The following SPSB1 variants were observed in gnomAD, a reference collection of about 807,000 sequenced individuals.
The protein encoded by SPSB1 is SPRY domain-containing SOCS box protein 1.
In SPSB1, 8 loss-of-function variants were observed where a neutral mutation model predicts 21.2. The observed-to-expected ratio is 0.38, with a 90% CI of 0.22 to 0.68. SPSB1 has a LOEUF of 0.68. Ranked by LOEUF, SPSB1 falls within the 30% of genes least tolerant of loss-of-function variation. The pLI is 0.53. For missense variants in SPSB1, 242 were observed against 377.8 expected, an observed-to-expected ratio of 0.64 and a Z score of 2.98; for synonymous variants, 169 against 161.7, an observed-to-expected ratio of 1.05 and a Z score of -0.34.
Position 9,363,633 on chromosome 1 carries a change from G to A in SPSB1, c.695-3815G>A, listed in dbSNP as rs567193374. Among the ~76,000 whole-genome samples, 6 of 152,284 alleles carry A rather than the reference G, an allele frequency of 3.9e-5. No individual in the cohort carries two copies. The highest frequency in any genetic ancestry group is 7.4e-5 in the Non-Finnish European group (5 of 68,022). ...AGGCCATGGCTGGGGCTGGGGCTGC[G>A]GTGTCAGCCACTCAAAATAAGGCAC... is the stretch of plus-strand genomic sequence containing the variant. On this transcript the variant is annotated intron_variant, in intron 2 of 2. Coordinates refer to ENST00000328089, the MANE Select transcript of SPSB1 (RefSeq NM_025106.4). This position sits in a 1 kb window ranked among gnomAD's most constrained non-coding sequence, Gnocchi z 4.5.
At chr1:9,339,087 G>A (rs942144601) in intron 1 of SPSB1, among the ~76,000 whole-genome samples, 5 of 152,134 alleles carry the variant, frequency 3.3e-5, no homozygotes, top group East Asian at 3.9e-4. Flanking sequence ...AGCTTGCTCC[G>A]GCCAGGGCTG....
chr1:9,325,265 A>T (rs1307313468), intron 1 of SPSB1, among the ~76,000 whole-genome samples: 1 of 141,468 alleles, frequency 7.1e-6, no homozygotes, highest in African/African-American at 2.8e-5. Context: ...GCAGATGGAG[A>T]GCTGTCCCCA....
chr1:9,343,309 C>G (rs1415574179), intron 1 of SPSB1, among the ~76,000 whole-genome samples: 1 of 152,198 alleles, frequency 6.6e-6, no homozygotes, highest in Non-Finnish European at 1.5e-5. Context: ...CTTTCTGTTT[C>G]TATGGATTTG....
At chr1:9,343,463 T>C (rs1640121216) in intron 1 of SPSB1, among the ~76,000 whole-genome samples, 1 of 152,264 alleles carries the variant, frequency 6.6e-6, no homozygotes, top group Non-Finnish European at 1.5e-5. Flanking sequence ...GGCTGAATAA[T>C]ATTCCACTGA....
In SPSB1 at chr1:9,323,757, A is replaced by G. The variant is rs376784592; in HGVS notation, c.-150+30686A>G. On this transcript the variant is annotated intron_variant, in intron 1 of 2. Transcript: ENST00000328089. ...CAAGGTGGCTGGTCCTACAGGCCTC[A>G]GTGAGACAGTGCTATGTCATTTTGC... 2.4e-4 allele frequency among the ~76,000 whole-genome samples: 36 copies of G among 152,216 alleles called. No individual in the cohort carries two copies. In the East Asian group the frequency reaches 3.9e-3, roughly 16 times the overall value.
chr1:9,345,993 G>A lies in SPSB1; in HGVS notation c.-149-9750G>A, dbSNP rs1232769720. 6.6e-6 allele frequency among the ~76,000 whole-genome samples: 1 copy of A among 152,214 alleles called. No homozygotes were observed. The highest frequency in any genetic ancestry group is 2.4e-5 in the African/African-American group (1 of 41,460). On this transcript the variant is annotated intron_variant, in intron 1 of 2. Transcript: ENST00000328089. This position sits in a 1 kb window ranked among gnomAD's most constrained non-coding sequence, Gnocchi z 4.8. ...CCATGGCCCAGCCAGCACGGAGCAT[G>A]CCCCGAGCCCTTCCACCACCAAGAG...
chr1:9,356,116 T>A lies in SPSB1; in HGVS notation c.225T>A (p.Phe75Leu), dbSNP rs755047859. Residue 75 changes from phenylalanine (F) to leucine (L), a missense_variant, in exon 2 of 3, where the codon TTT becomes TTA. Physicochemically the swap from Phe to Leu is conservative, Grantham distance 22. Coordinates refer to ENST00000328089, the MANE Select transcript of SPSB1 (RefSeq NM_025106.4). The surrounding 1 kb of genome is among the most constrained non-coding windows in gnomAD (Gnocchi z 7.4). ...TGAAGGAGGACGACAAGCTCATCTT[T>A]CACCGGCATCCGGTGGCCCAGAGCA... ...VFVKEDDKLI[F>L]HRHPVAQSTD... The A allele has an allele frequency of 2.5e-6, 4 of 1,603,494 alleles. No homozygotes were observed. In the South Asian group the frequency reaches 4.4e-5, roughly 18 times the overall value.
In SPSB1 at chr1:9,303,042, T is replaced by C. The variant is rs550396316; in HGVS notation, c.-150+9971T>C. 1.3e-5 allele frequency among the ~76,000 whole-genome samples: 2 copies of C among 152,232 alleles called. 1 individual carries two copies. The highest frequency in any genetic ancestry group is 4.1e-4 in the South Asian group (2 of 4,826). The stretch of plus-strand genomic sequence containing the variant: ...GGGGTAAGGCTGCCACCTGGCTTCT[T>C]TGGGCTCCCTGTGCCTCTGGGTCAG... On this transcript the variant is annotated intron_variant, in intron 1 of 2. Transcript: ENST00000328089.
chr1:9,310,327 G>A (rs190397619), intron 1 of SPSB1, among the ~76,000 whole-genome samples: 1 of 152,322 alleles, frequency 6.6e-6, no homozygotes, highest in Non-Finnish European at 1.5e-5. Flanking sequence ...TCTGTGAGGG[G>A]AAAGGCATCT....
chr1:9,308,974 C>A (rs1639467824), intron 1 of SPSB1, among the ~76,000 whole-genome samples: 1 of 152,072 alleles, frequency 6.6e-6, no homozygotes, highest in African/African-American at 2.4e-5. Flanking sequence ...CTGCCAGGGG[C>A]TGGGCGGGCA....
At chr1:9,364,267 A>G (rs892334672) in intron 2 of SPSB1, among the ~76,000 whole-genome samples, 1 of 152,246 alleles carries the variant, frequency 6.6e-6, no homozygotes, top group Admixed American at 6.5e-5. Context: ...GCTCCCAAGC[A>G]GAGAAGAGAA....
At chr1:9,341,183 G>A (rs1431199939) in intron 1 of SPSB1, among the ~76,000 whole-genome samples, 3 of 152,118 alleles carry the variant, frequency 2.0e-5, no homozygotes, top group Admixed American at 6.5e-5. Context: ...GAAACTTCCC[G>A]CAGTACTTAG....
chr1:9,299,054 C>A (rs1639272520), intron 1 of SPSB1, among the ~76,000 whole-genome samples: 1 of 152,216 alleles, frequency 6.6e-6, no homozygotes, highest in Admixed American at 6.5e-5. Flanking sequence ...TCCGATTTGG[C>A]CTGTGCAGAA....
intron 1 of SPSB1, among the ~76,000 whole-genome samples, chr1:9,318,591 A>G (rs1233184204): frequency 2.6e-5 from 4 of 152,216 alleles, no homozygotes; most frequent in Non-Finnish European, 5.9e-5. Flanking sequence ...TGGTTTCCAC[A>G]TCTGTAAGAA....
At chr1:9,335,547 G>A (rs944136615) in intron 1 of SPSB1, among the ~76,000 whole-genome samples, 3 of 151,110 alleles carry the variant, frequency 2.0e-5, no homozygotes, top group Admixed American at 2.0e-4. Context: ...AGTGGCTCAC[G>A]CCTGTAATCC....
At chr1:9,298,576 A>C (rs1639265627) in intron 1 of SPSB1, among the ~76,000 whole-genome samples, 1 of 152,236 alleles carries the variant, frequency 6.6e-6, no homozygotes. Flanking sequence ...GTGACCTTTT[A>C]CCAGAGTGAA....
intron 1 of SPSB1, among the ~76,000 whole-genome samples, chr1:9,312,710 A>C (rs565683986): frequency 6.6e-6 from 1 of 152,176 alleles, no homozygotes; most frequent in South Asian, 2.1e-4. Context: ...TCATCTCATC[A>C]AATTGGCGTG....
chr1:9,353,193 G>T (rs529494131), intron 1 of SPSB1, among the ~76,000 whole-genome samples: 1 of 151,486 alleles, frequency 6.6e-6, no homozygotes, highest in East Asian at 1.9e-4. Context: ...GCCTCAGCCC[G>T]CCCGGCCCCT....
rs1244725593 is a variant in SPSB1 at position 9,348,961 on chromosome 1, GTGTA to G, written c.-149-6780_-149-6777del. Among the ~76,000 whole-genome samples the G allele has an allele frequency of 3.5e-3, 366 of 106,010 alleles. 3 individuals carry two copies. The highest frequency in any genetic ancestry group is 0.014 in the African/African-American group (349 of 25,404). 69.5% of individuals were successfully genotyped at this position (106,010 alleles called of 152,430 possible). A position where few individuals can be genotyped will look rare whatever the true frequency, so the allele number is the denominator to read the frequency against. ...AATGTGTGTGTGTGTGTGTGTGTGT[GTGTA>G]TATGTGCGTGTGTGCACGTGCATGT... On this transcript the variant is annotated intron_variant, in intron 1 of 2. Transcript: ENST00000328089. The surrounding 1 kb of genome is among the most constrained non-coding windows in gnomAD (Gnocchi z 4.8).
Sources: gnomAD v4.1 joint callset for allele counts (sites outside exome capture counted in the v4.1 genomes callset) on GRCh38, gnomAD v4.1.1 for gene constraint, Gnocchi (gnomAD v3.1) non-coding constraint, MANE v1.5 for transcripts, NCBI Gene and HGNC (gene_info 2026-07-23, HGNC 2026-07-21) for gene names.